DEFB119: variants seen among roughly 807,000 people sequenced by gnomAD.
The protein encoded by DEFB119 is beta-defensin 119.
DEFB119 carries 3 observed loss-of-function variants against 2.5 expected under a neutral mutation model. That is an observed-to-expected ratio of 1.19 (90% confidence interval 0.54 to 3.07). The LOEUF (loss-of-function observed/expected upper bound fraction) is 3.07. DEFB119 is among the 30% of genes most tolerant of loss of function. DEFB119 has a pLI of 0.03. For missense variants in DEFB119, 113 were observed against 101.1 expected (o/e 1.12, Z -0.50); for synonymous variants, 29 against 33.7 (o/e 0.86, Z 0.48).
At chr20:31,377,477 T>C in intron 1 of DEFB119, 38 bp from the exon 2 acceptor site, 1 of 1,582,610 alleles carries the variant, frequency 6.3e-7, no homozygotes, top group Non-Finnish European at 8.6e-7. Flanking sequence ...TTAATTCACC[T>C]AGGAGTGACA....
At chr20:31,388,307 T>C in intron 1 of DEFB119, 7 of 985,616 alleles carry the variant, frequency 7.1e-6, no homozygotes, top group Non-Finnish European at 8.4e-6. Context: ...GGTGACGACA[T>C]TTGTTGAGTG....
chr20:31,382,886 A>G (rs1040954801), intron 1 of DEFB119, among the ~76,000 whole-genome samples: 8 of 152,260 alleles, frequency 5.3e-5, no homozygotes, highest in African/African-American at 1.9e-4. Flanking sequence ...AATAATTCAA[A>G]TAATTACACA....
chr20:31,380,565 G>T (rs6058938), intron 1 of DEFB119, among the ~76,000 whole-genome samples: 117,084 of 152,068 alleles, frequency 0.77, 45,533 homozygotes, highest in Non-Finnish European at 0.83. Flanking sequence ...CACGCCTGGC[G>T]GTTATGATCC....
At chr20:31,388,993 T>C (rs1454476838) in intron 1 of DEFB119, 3 of 1,611,344 alleles carry the variant, frequency 1.9e-6, no homozygotes, top group East Asian at 4.5e-5. Context: ...TAATGAAATG[T>C]GGACCCTAAG....
intron 1 of DEFB119, among the ~76,000 whole-genome samples, chr20:31,382,356 G>C (rs1986533034): frequency 6.6e-6 from 1 of 152,020 alleles, no homozygotes; most frequent in East Asian, 1.9e-4. Flanking sequence ...TACTTGCTGT[G>C]TATCCTGGGG....
At chr20:31,378,470 CCGCGTTCCAG>C in intron 1 of DEFB119, 1 of 1,591,586 alleles carries the variant, frequency 6.3e-7, no homozygotes, top group South Asian at 1.1e-5. Flanking sequence ...TCAAAAACAT[CCGCGTTCCAG>C]CAAAAATTAC....
At chr20:31,388,895 C>T in intron 1 of DEFB119, 6 of 1,482,938 alleles carry the variant, frequency 4.0e-6, no homozygotes, top group East Asian at 2.5e-5. Context: ...ACTAGCTCTT[C>T]ACCTCCCCCT....
intron 1 of DEFB119, among the ~76,000 whole-genome samples, chr20:31,382,370 G>C (rs542300563): frequency 1.3e-5 from 2 of 152,246 alleles, no homozygotes; most frequent in African/African-American, 4.8e-5. Flanking sequence ...CCTGGGGCAA[G>C]TTTCTGCACC....
chr20:31,389,357 G>A, intron 1 of DEFB119: 1 of 1,153,898 alleles, frequency 8.7e-7, no homozygotes, highest in South Asian at 1.4e-5. Flanking sequence ...AGTAATGCCA[G>A]ACCCAGTCCC....
intron 1 of DEFB119, chr20:31,378,322 C>T (rs1231368753): frequency 6.2e-7 from 1 of 1,614,158 alleles, no homozygotes; most frequent in Admixed American, 1.7e-5. Context: ...AAGGCAGTAC[C>T]AGAGGAAATA....
rs991295383 is a variant in DEFB119, at chr20:31,388,884, G to A, written c.61+1539C>T. The A allele has an allele frequency of 1.8e-4, 255 of 1,451,888 alleles. 2 individuals are homozygous for A. The South Asian group carries it at 2.1e-3, about 12-fold the overall frequency. The allele number at this position is 1,451,888 out of a possible 1,614,324, so 89.9% of individuals were successfully genotyped here. A position where few individuals can be genotyped will look rare whatever the true frequency, so the allele number is the denominator to read the frequency against. ...TGACCCAGCCCTAGTGACTTCTCTC[G>A]ACTAGCTCTTCACCTCCCCCTGCCA... On this transcript the variant is annotated intron_variant, in intron 1 of 1. Transcript: ENST00000376321.
chr20:31,377,321 G>T lies in DEFB119; in HGVS notation c.180C>A (p.Tyr60Ter), dbSNP rs146735308. 1 of 1,614,040 alleles carries T rather than the reference G, an allele frequency of 6.2e-7. No homozygotes were observed. The highest frequency in any genetic ancestry group is 8.5e-7 in the Non-Finnish European group (1 of 1,180,018). The change falls in exon 2 of 2, where the codon TAC becomes TAA. Residue 60 changes from tyrosine (Y) to a stop codon, truncating the protein, a stop_gained. Coordinates refer to ENST00000376321, the MANE Select transcript of DEFB119 (RefSeq NM_153289.4). LOFTEE classifies it low-confidence loss of function (END_TRUNC). The part of the protein sequence containing the change: ...RNCQSCCLQS[Y>*]MRISISGKEE... ...CTTTGCCAGAAATGCTTATCCTCATGTAGGACTGGAGGCAGCAGGACTGAC... is the reference window on the plus strand; with the variant it reads ...CTTTGCCAGAAATGCTTATCCTCATTTAGGACTGGAGGCAGCAGGACTGAC...
chr20:31,386,642 T>C (rs1986712475), intron 1 of DEFB119, among the ~76,000 whole-genome samples: 1 of 152,042 alleles, frequency 6.6e-6, no homozygotes, highest in South Asian at 2.1e-4. Context: ...AAATAGAGTT[T>C]ATCAGAGACT....
At chr20:31,387,565 G>A (rs946945748) in intron 1 of DEFB119, among the ~76,000 whole-genome samples, 8 of 152,068 alleles carry the variant, frequency 5.3e-5, no homozygotes, top group Admixed American at 1.3e-4. Context: ...ATGGCATTCC[G>A]AGGGAAGCCT....
chr20:31,379,540 C>G (rs975041290), intron 1 of DEFB119, among the ~76,000 whole-genome samples: 2 of 151,678 alleles, frequency 1.3e-5, no homozygotes, highest in Non-Finnish European at 2.9e-5. Context: ...TGTCGCCAGG[C>G]TGCAGTGCAG....
intron 1 of DEFB119, among the ~76,000 whole-genome samples, chr20:31,377,680 G>C (rs1986353984): frequency 6.6e-6 from 1 of 151,996 alleles, no homozygotes; most frequent in African/African-American, 2.4e-5. Flanking sequence ...ACTCTGAAAG[G>C]TAAAGTAAAG....
At chr20:31,386,810 C>CTTTTTTTTTTTTTTT (rs148428945) in intron 1 of DEFB119, among the ~76,000 whole-genome samples, 17 of 108,906 alleles carry the variant, frequency 1.6e-4, no homozygotes, top group African/African-American at 2.4e-4. Flanking sequence ...TTTTCTTTTT[C>CTTTTTTTTTTTTTTT]TTTTTTTTTT....
At chr20:31,385,530 G>A (rs1019798021) in intron 1 of DEFB119, among the ~76,000 whole-genome samples, 1 of 152,068 alleles carries the variant, frequency 6.6e-6, no homozygotes, top group Non-Finnish European at 1.5e-5. Context: ...ACATAGCAAG[G>A]GTCAATGAGA....
intron 1 of DEFB119, among the ~76,000 whole-genome samples, chr20:31,387,541 C>G (rs1986753414): frequency 6.6e-6 from 1 of 152,212 alleles, no homozygotes; most frequent in Non-Finnish European, 1.5e-5. Context: ...TTCCTCAGAA[C>G]TCCATGCAGG....
Sources: gnomAD v4.1 joint callset for allele counts (sites outside exome capture counted in the v4.1 genomes callset) on GRCh38, gnomAD v4.1.1 for gene constraint, MANE v1.5 for transcripts, NCBI Gene and HGNC (gene_info 2026-07-23, HGNC 2026-07-21) for gene names.